FAM184A: variants seen among roughly 807,000 people sequenced by gnomAD.
FAM184A encodes family with sequence similarity 184 member A.
In FAM184A, 99 loss-of-function variants were observed where a neutral mutation model predicts 143.8. That is an observed-to-expected ratio of 0.69 (90% confidence interval 0.58 to 0.81). FAM184A has a LOEUF of 0.81. Ranked by LOEUF, FAM184A falls within the 40% of genes least tolerant of loss-of-function variation. The probability of loss-of-function intolerance (pLI) is 0.00; values close to 1 mark genes in which losing one functional copy is unlikely to be tolerated. For missense variants in FAM184A, 1,217 were observed against 1,310.5 expected (o/e 0.93, Z 1.10); for synonymous variants, 427 against 446.4 (o/e 0.96, Z 0.55).
intron 1 of FAM184A, among the ~76,000 whole-genome samples, chr6:119,051,776 C>G (rs1786778485): frequency 1.3e-5 from 2 of 152,056 alleles, no homozygotes; most frequent in Non-Finnish European, 2.9e-5. Context: ...GTTATCTTGT[C>G]TGATCGCAGG....
chr6:119,089,136 G>A (rs749304041), intron 1 of FAM184A, among the ~76,000 whole-genome samples: 2 of 149,920 alleles, frequency 1.3e-5, no homozygotes, highest in Admixed American at 6.6e-5. Flanking sequence ...TCCCACCCTC[G>A]GCCTCCCAAA....
intron 9 of FAM184A, among the ~76,000 whole-genome samples, chr6:118,998,387 T>C (rs1784638832): frequency 6.6e-6 from 1 of 152,222 alleles, no homozygotes; most frequent in Admixed American, 6.5e-5. Flanking sequence ...GCTTACTATG[T>C]GCCAGGAACA....
intron 9 of FAM184A, among the ~76,000 whole-genome samples, chr6:118,984,639 C>T (rs1197574160): frequency 6.6e-6 from 1 of 152,188 alleles, no homozygotes; most frequent in Non-Finnish European, 1.5e-5. Context: ...TACCTACAAC[C>T]TTTGGTTTTT....
chr6:118,964,332 T>C (rs1338469420), intron 16 of FAM184A, among the ~76,000 whole-genome samples: 2 of 152,134 alleles, frequency 1.3e-5, no homozygotes, highest in Admixed American at 6.5e-5. Flanking sequence ...CTGGAGTCTC[T>C]TTCTGGACCA....
intron 1 of FAM184A, among the ~76,000 whole-genome samples, chr6:119,118,909 C>A (rs1485243593): frequency 6.6e-6 from 1 of 152,160 alleles, no homozygotes; most frequent in Non-Finnish European, 1.5e-5. Context: ...TATTTCTCTT[C>A]TTTCAAAAGC....
intron 1 of FAM184A, among the ~76,000 whole-genome samples, chr6:119,101,253 G>A (rs1226876632): frequency 6.6e-6 from 1 of 151,572 alleles, no homozygotes; most frequent in African/African-American, 2.4e-5. Flanking sequence ...TATTTTTTTA[G>A]TAGAGACGGG....
intron 1 of FAM184A, among the ~76,000 whole-genome samples, chr6:119,037,799 A>T (rs1786168623): frequency 6.6e-6 from 1 of 152,180 alleles, no homozygotes; most frequent in African/African-American, 2.4e-5. Context: ...GAAAATCAAC[A>T]AGCAAGAAAA....
At chr6:118,992,144 T>A (rs1582476163) in intron 9 of FAM184A, among the ~76,000 whole-genome samples, 1 of 151,942 alleles carries the variant, frequency 6.6e-6, no homozygotes, top group South Asian at 2.1e-4. Context: ...GTAAGAAAAG[T>A]GAAATTGATG....
intron 1 of FAM184A, among the ~76,000 whole-genome samples, chr6:119,109,327 G>A (rs1394140914): frequency 6.6e-6 from 1 of 152,202 alleles, no homozygotes; most frequent in Non-Finnish European, 1.5e-5. Flanking sequence ...AGAAATTAGA[G>A]TCACAGATTT....
intron 1 of FAM184A, among the ~76,000 whole-genome samples, chr6:119,044,181 G>C (rs1040901599): frequency 6.6e-6 from 1 of 152,120 alleles, no homozygotes; most frequent in East Asian, 1.9e-4. Flanking sequence ...GAGCAATTAT[G>C]CAAGAAAAAG....
chr6:118,983,075 A>C (rs1425046616), intron 9 of FAM184A, among the ~76,000 whole-genome samples: 2 of 152,202 alleles, frequency 1.3e-5, no homozygotes, highest in African/African-American at 2.4e-5. Flanking sequence ...TTAACTTTGA[A>C]AGCACATCAA....
chr6:119,046,141 A>T (rs902100124), intron 1 of FAM184A, among the ~76,000 whole-genome samples: 1 of 152,222 alleles, frequency 6.6e-6, no homozygotes, highest in Non-Finnish European at 1.5e-5. Context: ...TAGGGAATGA[A>T]ATACAAAGAA....
intron 1 of FAM184A, among the ~76,000 whole-genome samples, chr6:119,046,359 C>T (rs1786533868): frequency 6.6e-6 from 1 of 151,466 alleles, no homozygotes; most frequent in Non-Finnish European, 1.5e-5. Context: ...AAGTAGCTGA[C>T]AAGTACAGAC....
chr6:118,989,008 C>G (rs1206734366), intron 9 of FAM184A, among the ~76,000 whole-genome samples: 1 of 134,934 alleles, frequency 7.4e-6, no homozygotes, highest in Admixed American at 8.6e-5. Flanking sequence ...GTTACCCAGG[C>G]TAGAGTGCAG....
At chr6:119,118,806 C>A (rs114664056) in intron 1 of FAM184A, among the ~76,000 whole-genome samples, 344 of 151,904 alleles carry the variant, frequency 2.3e-3, no homozygotes, top group African/African-American at 7.7e-3. Context: ...GAAATCTGGG[C>A]ACCTTGAAAA....
intron 1 of FAM184A, among the ~76,000 whole-genome samples, chr6:119,142,124 A>T (rs1211551919): frequency 6.6e-6 from 1 of 152,198 alleles, no homozygotes; most frequent in Non-Finnish European, 1.5e-5. Flanking sequence ...CCCTGCTCCC[A>T]GCAAATCTAT....
chr6:119,043,633 C>T (rs1324056511), intron 1 of FAM184A, among the ~76,000 whole-genome samples: 2 of 152,174 alleles, frequency 1.3e-5, no homozygotes, highest in African/African-American at 2.4e-5. Context: ...ACCCCTGCCC[C>T]ACCTCGGCAC....
chr6:119,133,597 C>T (rs1207167787), intron 1 of FAM184A, among the ~76,000 whole-genome samples: 1 of 151,976 alleles, frequency 6.6e-6, no homozygotes, highest in African/African-American at 2.4e-5. Flanking sequence ...TAACCAGTTA[C>T]CTGAGGTAGG....
At chr6:119,098,854 C>T (rs55961680) in intron 1 of FAM184A, among the ~76,000 whole-genome samples, 6 of 152,050 alleles carry the variant, frequency 3.9e-5, no homozygotes, top group South Asian at 2.1e-4. Flanking sequence ...TTAGGCTGGG[C>T]GTGGCGGCAC....
Sources: gnomAD v4.1 joint callset for allele counts (sites outside exome capture counted in the v4.1 genomes callset) on GRCh38, gnomAD v4.1.1 for gene constraint, MANE v1.5 for transcripts, NCBI Gene and HGNC (gene_info 2026-07-23, HGNC 2026-07-21) for gene names.